The following ADAMTS17 variants were observed in gnomAD, a reference collection of about 807,000 sequenced individuals.
ADAMTS17 encodes the protein A disintegrin and metalloproteinase with thrombospondin motifs 17.
In ADAMTS17, 113 loss-of-function variants were observed where a neutral mutation model predicts 141.5. The observed-to-expected ratio is 0.80, with a 90% CI of 0.69 to 0.93. The LOEUF is 0.93. ADAMTS17 is among the 40% of genes least tolerant of loss of function. The pLI, the probability that ADAMTS17 is intolerant of heterozygous loss-of-function variation, is 0.00. For synonymous variants in ADAMTS17, 768 were observed against 630.6 expected (o/e 1.22, Z -3.27); for missense variants, 1,659 against 1,517.9 (o/e 1.09, Z -1.54).
chr15:100,046,041 C>T (rs1230017632), intron 18 of ADAMTS17, among the ~76,000 whole-genome samples: 1 of 152,242 alleles, frequency 6.6e-6, no homozygotes, highest in Admixed American at 6.5e-5. Context: ...CCACCACACC[C>T]AGCTAATTTT....
At chr15:100,183,191 G>A (rs1437684952) in intron 8 of ADAMTS17, among the ~76,000 whole-genome samples, 1 of 152,114 alleles carries the variant, frequency 6.6e-6, no homozygotes, top group African/African-American at 2.4e-5. Context: ...GTTCTTCTAT[G>A]TTGACCAGGT....
chr15:100,313,792 C>T lies in ADAMTS17; in HGVS notation c.616+17097G>A, dbSNP rs535051877. 9.8e-3 allele frequency among the ~76,000 whole-genome samples: 1,422 copies of T among 144,748 alleles called. 8 individuals are homozygous for T. Among genetic ancestry groups the T allele is most frequent in the African/African-American group, 0.031 (1,199 of 38,072 alleles). 95.0% of individuals were successfully genotyped at this position (144,748 alleles called of 152,430 possible). On this transcript the variant is annotated intron_variant, in intron 3 of 21. Transcript: ENST00000268070. ...CACCATGAAGAAACGTCAGACAAAA[C>T]CACCCCAAACGTCACCATGAAGAAA...
chr15:100,146,289 C>T (rs537395222), intron 10 of ADAMTS17, among the ~76,000 whole-genome samples: 1 of 152,318 alleles, frequency 6.6e-6, no homozygotes, highest in African/African-American at 2.4e-5. Flanking sequence ...GAAGCCATGG[C>T]AGAAGAACGT....
intron 3 of ADAMTS17, among the ~76,000 whole-genome samples, chr15:100,319,545 C>G (rs749571143): frequency 6.6e-6 from 1 of 152,064 alleles, no homozygotes; most frequent in Non-Finnish European, 1.5e-5. Context: ...CCCGTCTCTA[C>G]TAAAAATACA....
At chr15:100,041,694 C>G (rs769324805) in intron 18 of ADAMTS17, among the ~76,000 whole-genome samples, 1 of 152,140 alleles carries the variant, frequency 6.6e-6, no homozygotes, top group African/African-American at 2.4e-5. Context: ...GCTGGGGAGA[C>G]GCCATCTGCC....
Position 99,997,722 on chromosome 15 carries a change from C to G in ADAMTS17, c.2592-133G>C, listed in dbSNP as rs1490741243. On this transcript the variant is annotated intron_variant, in intron 18 of 21. Transcript: ENST00000268070. The surrounding 1 kb of genome is among the most constrained non-coding windows in gnomAD (Gnocchi z 4.7). ...GAGGCAGACTCAGGAAGCTTTTCAG[C>G]CAACCCTGGACATAACTCAGAGTAT... 1 of 1,095,150 alleles carries G rather than the reference C, an allele frequency of 9.1e-7. No individual in the cohort carries two copies. Among genetic ancestry groups the G allele is most frequent in the African/African-American group, 1.5e-5 (1 of 64,558 alleles). The allele number at this position is 1,095,150 out of a possible 1,614,324, so 67.8% of individuals were successfully genotyped here. A position where few individuals can be genotyped will look rare whatever the true frequency, so the allele number is the denominator to read the frequency against.
chr15:100,087,584 C>G (rs1488044056), intron 15 of ADAMTS17, among the ~76,000 whole-genome samples: 1 of 152,144 alleles, frequency 6.6e-6, no homozygotes, highest in Non-Finnish European at 1.5e-5. Flanking sequence ...AAGCAAAAAT[C>G]CTCATTAAAA....
chr15:100,231,839 C>T (rs1383607925), intron 7 of ADAMTS17, among the ~76,000 whole-genome samples: 2 of 152,202 alleles, frequency 1.3e-5, no homozygotes, highest in Non-Finnish European at 2.9e-5. Context: ...GGTCATCTTA[C>T]CGTCATCCTC....
intron 2 of ADAMTS17, among the ~76,000 whole-genome samples, chr15:100,337,298 G>A (rs1034122146): frequency 6.6e-6 from 1 of 152,252 alleles, no homozygotes; most frequent in African/African-American, 2.4e-5. Context: ...TGCCACAAAT[G>A]ACGTGCTACC....
chr15:100,304,477 T>G (rs1256011721), intron 3 of ADAMTS17, among the ~76,000 whole-genome samples: 3 of 152,214 alleles, frequency 2.0e-5, no homozygotes, highest in Non-Finnish European at 4.4e-5. Flanking sequence ...AACTGAGATT[T>G]GTTTCAAACT....
intron 15 of ADAMTS17, among the ~76,000 whole-genome samples, chr15:100,074,751 G>A (rs1008883282): frequency 1.3e-4 from 20 of 152,050 alleles, no homozygotes; most frequent in African/African-American, 4.8e-4. Context: ...GTATTTCTAT[G>A]CTTCTATAAT....
At chr15:100,319,619 A>G (rs1411610406) in intron 3 of ADAMTS17, among the ~76,000 whole-genome samples, 3 of 152,226 alleles carry the variant, frequency 2.0e-5, no homozygotes, top group Non-Finnish European at 4.4e-5. Context: ...CTGAGGCAAG[A>G]GAATCGCTTG....
chr15:100,141,006 C>A (rs1222317152), intron 10 of ADAMTS17, among the ~76,000 whole-genome samples: 1 of 152,200 alleles, frequency 6.6e-6, no homozygotes, highest in Non-Finnish European at 1.5e-5. Flanking sequence ...GGTACTAAGA[C>A]CTCCTCTCCC....
chr15:100,285,693 T>C (rs978040363), intron 3 of ADAMTS17, among the ~76,000 whole-genome samples: 2 of 152,210 alleles, frequency 1.3e-5, no homozygotes, highest in Admixed American at 6.5e-5. Flanking sequence ...GGAGATCCCA[T>C]GACCCGCACG....
chr15:99,994,554 T>A (rs2060758399), intron 19 of ADAMTS17, among the ~76,000 whole-genome samples: 1 of 152,192 alleles, frequency 6.6e-6, no homozygotes, highest in South Asian at 2.1e-4. Context: ...CAAGATATGA[T>A]CTAGCTTTCT....
At chr15:100,285,720 G>A (rs566545596) in intron 3 of ADAMTS17, among the ~76,000 whole-genome samples, 1 of 152,350 alleles carries the variant, frequency 6.6e-6, no homozygotes, top group Admixed American at 6.5e-5. Flanking sequence ...TGAGCCGGCA[G>A]GGAGAGCTGC....
At chr15:100,207,575 C>T (rs2041624930) in intron 7 of ADAMTS17, among the ~76,000 whole-genome samples, 1 of 152,166 alleles carries the variant, frequency 6.6e-6, no homozygotes, top group African/African-American at 2.4e-5. Context: ...GGTTTAATAA[C>T]AAGGAACTGA....
chr15:100,133,720 C>T (rs2038179489), intron 10 of ADAMTS17, among the ~76,000 whole-genome samples: 1 of 152,180 alleles, frequency 6.6e-6, no homozygotes. Context: ...CAAACCTCAT[C>T]AGGGAGGGCT....
At chr15:100,125,337 C>T (rs958332785) in intron 12 of ADAMTS17, among the ~76,000 whole-genome samples, 1 of 152,222 alleles carries the variant, frequency 6.6e-6, no homozygotes, top group Non-Finnish European at 1.5e-5. Flanking sequence ...CATATGAATG[C>T]CAGATCGCTG....
Sources: allele counts gnomAD v4.1 joint callset (sites outside exome capture counted in the v4.1 genomes callset), GRCh38; gene constraint gnomAD v4.1.1; non-coding constraint Gnocchi (gnomAD v3.1); transcripts MANE v1.5; gene names NCBI Gene and HGNC (gene_info 2026-07-23, HGNC 2026-07-21).